PPP1CB: variants seen among roughly 807,000 people sequenced by gnomAD.
PPP1CB encodes the protein protein phosphatase 1 catalytic subunit beta.
PPP1CB carries 2 observed loss-of-function variants against 43.7 expected under a neutral mutation model. The ratio of observed to expected loss-of-function variants is 0.05; its 90% CI spans 0.02 to 0.14. The LOEUF (loss-of-function observed/expected upper bound fraction) is 0.14. PPP1CB is among the 10% of genes least tolerant of loss of function. The probability of loss-of-function intolerance (pLI) is 1.00; values close to 1 mark genes in which losing one functional copy is unlikely to be tolerated. For missense variants in PPP1CB, 84 were observed against 398.0 expected, an observed-to-expected ratio of 0.21 and a Z score of 6.71; for synonymous variants, 136 against 135.6, an observed-to-expected ratio of 1.00 and a Z score of -0.02.
At chr2:28,792,685 G>A (rs35024942) in intron 6 of PPP1CB, among the ~76,000 whole-genome samples, 3,483 of 152,246 alleles carry the variant, frequency 0.023, 49 homozygotes, top group Non-Finnish European at 0.036. Flanking sequence ...CTAGTACTGA[G>A]GTAGGAGTTA....
chr2:28,753,850 C>T lies in PPP1CB; in HGVS notation c.52+1674C>T, dbSNP rs572887872. On this transcript the variant is annotated intron_variant, in intron 1 of 7. Coordinates refer to ENST00000395366, the MANE Select transcript of PPP1CB (RefSeq NM_002709.3). The stretch of plus-strand genomic sequence containing the variant: ...CCGGGTTCGAGCGATTCTTCCGCCT[C>T]AGCCTCCTGAGTAGCTGGGATTACA... Among the ~76,000 whole-genome samples the T allele has an allele frequency of 3.3e-5, 5 of 152,272 alleles. No homozygotes were observed. In the South Asian group the frequency reaches 1.0e-3, roughly 32 times the overall value.
chr2:28,780,869 G>T (rs980034431), intron 3 of PPP1CB, among the ~76,000 whole-genome samples: 1 of 152,218 alleles, frequency 6.6e-6, no homozygotes, highest in African/African-American at 2.4e-5. Context: ...TAGCCTTTGT[G>T]CCTCTATTTA....
At chr2:28,772,647 A>T (rs1199982795) in intron 1 of PPP1CB, among the ~76,000 whole-genome samples, 2 of 152,240 alleles carry the variant, frequency 1.3e-5, no homozygotes, top group Non-Finnish European at 2.9e-5. Context: ...TCATATGTTC[A>T]TAGAATGGAA....
intron 1 of PPP1CB, among the ~76,000 whole-genome samples, chr2:28,758,434 T>G (rs888029045): frequency 6.6e-5 from 10 of 152,238 alleles, no homozygotes; most frequent in African/African-American, 2.4e-4. Flanking sequence ...AGAAATAGTT[T>G]GTAAATGTCA....
chr2:28,760,846 G>A (rs971840489), intron 1 of PPP1CB, among the ~76,000 whole-genome samples: 5 of 152,126 alleles, frequency 3.3e-5, no homozygotes, highest in East Asian at 1.9e-4. Flanking sequence ...TGAATTGAGC[G>A]TTTTATTTAA....
chr2:28,788,587 T>A (rs767553820), intron 5 of PPP1CB, 71 bp from the exon 6 acceptor site: 18 of 1,487,072 alleles, frequency 1.2e-5, no homozygotes, highest in Non-Finnish European at 1.7e-5. Context: ...AACTGAAATT[T>A]GATGTAGATG....
chr2:28,772,996 TACATC>T (rs1184617513), intron 1 of PPP1CB, among the ~76,000 whole-genome samples: 1 of 152,138 alleles, frequency 6.6e-6, no homozygotes, highest in Non-Finnish European at 1.5e-5. Context: ...AATTCACAAA[TACATC>T]AAATCAATAT....
chr2:28,751,740 C>A, upstream of PPP1CB: 1 of 274,622 alleles, frequency 3.6e-6, no homozygotes. Flanking sequence ...CGCGCGCCTG[C>A]GCGGAGAGCT....
chr2:28,759,910 C>T (rs1037582802), intron 1 of PPP1CB, among the ~76,000 whole-genome samples: 4 of 151,650 alleles, frequency 2.6e-5, no homozygotes, highest in East Asian at 1.9e-4. Flanking sequence ...TGAGTCACTA[C>T]GCAGGGCCCT....
intron 5 of PPP1CB, among the ~76,000 whole-genome samples, chr2:28,785,692 G>A (rs566649208): frequency 8.6e-5 from 13 of 151,898 alleles, no homozygotes; most frequent in Admixed American, 2.0e-4. Flanking sequence ...TCGCAGCACC[G>A]CGGCTACTCA....
chr2:28,796,491 A>C (rs1572472502), intron 7 of PPP1CB, among the ~76,000 whole-genome samples: 1 of 151,858 alleles, frequency 6.6e-6, no homozygotes, highest in South Asian at 2.1e-4. Flanking sequence ...AGTTGTAGAG[A>C]TCTTTCACCT....
At chr2:28,763,912 G>T (rs1210217724) in intron 1 of PPP1CB, among the ~76,000 whole-genome samples, 4 of 136,594 alleles carry the variant, frequency 2.9e-5, no homozygotes, top group Admixed American at 8.3e-5. Flanking sequence ...CAGCATGTTG[G>T]TCAGGCTGGT....
intron 1 of PPP1CB, 130 bp downstream of exon 1, chr2:28,752,306 G>T: frequency 1.1e-6 from 1 of 912,646 alleles, no homozygotes; most frequent in Non-Finnish European, 1.6e-6. Flanking sequence ...AGCGCGGCGC[G>T]GCGGACGAAC....
chr2:28,772,004 G>T (rs895231598), intron 1 of PPP1CB, among the ~76,000 whole-genome samples: 15 of 151,920 alleles, frequency 9.9e-5, no homozygotes, highest in African/African-American at 3.6e-4. Flanking sequence ...AACCTAAAGG[G>T]TCTATTAGGC....
chr2:28,784,791 G>T (rs983913349), intron 5 of PPP1CB, among the ~76,000 whole-genome samples: 2 of 150,930 alleles, frequency 1.3e-5, no homozygotes, highest in African/African-American at 2.4e-5. Context: ...ATGGTGGTGC[G>T]TTCCTGTAAT....
At chr2:28,794,351 A>G (rs1024009801) in intron 7 of PPP1CB, among the ~76,000 whole-genome samples, 1 of 152,190 alleles carries the variant, frequency 6.6e-6, no homozygotes, top group Non-Finnish European at 1.5e-5. Flanking sequence ...AAATGGGTGG[A>G]ACAGACACTG....
intron 1 of PPP1CB, among the ~76,000 whole-genome samples, chr2:28,768,539 C>G (rs1381509271): frequency 6.6e-6 from 1 of 152,152 alleles, no homozygotes; most frequent in Non-Finnish European, 1.5e-5. Flanking sequence ...AAGTTCAAAT[C>G]CTGCCAAGTT....
At position 28,799,279 on chromosome 2, in the gene PPP1CB, A is replaced by G; in HGVS notation, c.960A>G (p.Thr320=). ...NSGRPVTPPR[T]ANPPKKR is the part of the protein sequence containing the mutation. The stretch of plus-strand genomic sequence containing the variant: ...GACGTCCTGTCACTCCACCTCGAAC[A>G]GCTAATCCGCCGAAGAAAAGGTGAA... Residue 320 remains threonine (T), a synonymous_variant, in exon 8 of 8, where the codon ACA becomes ACG. Coordinates refer to ENST00000395366, the MANE Select transcript of PPP1CB (RefSeq NM_002709.3). 4.4e-6 allele frequency: 7 copies of G among 1,607,044 alleles called. No homozygotes were observed. Among genetic ancestry groups the G allele is most frequent in the Non-Finnish European group, 6.0e-6 (7 of 1,173,636 alleles).
At chr2:28,755,691 C>G (rs1572441548) in intron 1 of PPP1CB, among the ~76,000 whole-genome samples, 1 of 152,266 alleles carries the variant, frequency 6.6e-6, no homozygotes, top group East Asian at 1.9e-4. Context: ...TTCATTCAAA[C>G]TATAAGTGCT....
Sources: allele counts gnomAD v4.1 joint callset (sites outside exome capture counted in the v4.1 genomes callset), GRCh38; gene constraint gnomAD v4.1.1; transcripts MANE v1.5; gene names NCBI Gene and HGNC (gene_info 2026-07-23, HGNC 2026-07-21).